CTIF: variants seen among roughly 807,000 people sequenced by gnomAD.
CTIF encodes the protein cap binding complex dependent translation initiation factor.
CTIF carries 21 observed loss-of-function variants against 66.0 expected under a neutral mutation model. The observed-to-expected ratio is 0.32, with a 90% confidence interval of 0.23 to 0.46. CTIF has a LOEUF of 0.46. CTIF is among the 20% of genes least tolerant of loss of function. The pLI, the probability that CTIF is intolerant of heterozygous loss-of-function variation, is 1.00. For synonymous variants in CTIF, 345 were observed against 326.4 expected (o/e 1.06, Z -0.62); for missense variants, 739 against 812.7 (o/e 0.91, Z 1.10).
chr18:48,742,208 G>C (rs978260985), intron 7 of CTIF, among the ~76,000 whole-genome samples: 3 of 152,220 alleles, frequency 2.0e-5, no homozygotes, highest in African/African-American at 7.2e-5. Context: ...CAACACACGA[G>C]CTCCTCAAGA....
At chr18:48,614,043 AC>A (rs1259930594) in intron 1 of CTIF, among the ~76,000 whole-genome samples, 1 of 152,046 alleles carries the variant, frequency 6.6e-6, no homozygotes, top group Non-Finnish European at 1.5e-5. Flanking sequence ...GTGTTCTTCT[AC>A]CTTCCCTCTT....
chr18:48,578,488 T>C (rs776142783), intron 1 of CTIF, among the ~76,000 whole-genome samples: 4 of 152,176 alleles, frequency 2.6e-5, no homozygotes, highest in Non-Finnish European at 5.9e-5. Flanking sequence ...CCAACACTTG[T>C]TATTATGTCT....
At chr18:48,756,545 G>A (rs1908382144) in intron 7 of CTIF, among the ~76,000 whole-genome samples, 1 of 152,210 alleles carries the variant, frequency 6.6e-6, no homozygotes, top group South Asian at 2.1e-4. Context: ...AGGAGGTGCA[G>A]CGCTTATTCT....
At chr18:48,554,500 G>A (rs1269113452) in intron 1 of CTIF, among the ~76,000 whole-genome samples, 4 of 152,242 alleles carry the variant, frequency 2.6e-5, no homozygotes, top group Admixed American at 2.0e-4. Flanking sequence ...CACTGCAGTG[G>A]AGAGGTTATG....
chr18:48,602,701 C>T (rs1198245615), intron 1 of CTIF, among the ~76,000 whole-genome samples: 1 of 152,190 alleles, frequency 6.6e-6, no homozygotes, highest in East Asian at 1.9e-4. Context: ...GATGTCATAA[C>T]TGTGTGATCG....
intron 3 of CTIF, among the ~76,000 whole-genome samples, chr18:48,656,299 ACTGT>A (rs1398627987): frequency 6.6e-6 from 1 of 152,246 alleles, no homozygotes. Context: ...TCTGGGCCAC[ACTGT>A]CTGTGCTCCC....
At chr18:48,697,021 T>G (rs2092018476) in intron 6 of CTIF, among the ~76,000 whole-genome samples, 1 of 152,214 alleles carries the variant, frequency 6.6e-6, no homozygotes, top group Admixed American at 6.5e-5. Flanking sequence ...GCCTTATGGT[T>G]AGAGGACATC....
intron 3 of CTIF, among the ~76,000 whole-genome samples, chr18:48,659,842 A>G (rs947753047): frequency 3.9e-5 from 6 of 152,230 alleles, no homozygotes; most frequent in Non-Finnish European, 8.8e-5. Context: ...GGGGTGGCTA[A>G]AGAAATACGG....
At chr18:48,618,314 C>G (rs1189684672) in intron 1 of CTIF, among the ~76,000 whole-genome samples, 2 of 152,240 alleles carry the variant, frequency 1.3e-5, no homozygotes, top group African/African-American at 2.4e-5. Context: ...TCACGCTGCT[C>G]TATATGGCTT....
intron 1 of CTIF, among the ~76,000 whole-genome samples, chr18:48,617,022 G>A (rs1393757127): frequency 5.3e-5 from 8 of 152,214 alleles, no homozygotes; most frequent in South Asian, 2.1e-4. Context: ...CTGGCACAGC[G>A]TCTCATGAGA....
At chr18:48,782,926 T>C (rs1426674651) in intron 9 of CTIF, among the ~76,000 whole-genome samples, 1 of 152,196 alleles carries the variant, frequency 6.6e-6, no homozygotes, top group East Asian at 1.9e-4. Flanking sequence ...AGAGAGCCCA[T>C]GGGGCAGGAG....
intron 6 of CTIF, among the ~76,000 whole-genome samples, chr18:48,671,436 A>T (rs1196756572): frequency 1.3e-5 from 2 of 152,108 alleles, no homozygotes; most frequent in East Asian, 3.9e-4. Flanking sequence ...ACCACACTCC[A>T]CTGTGCCACC....
chr18:48,825,540 C>G (rs1248222365), intron 10 of CTIF, among the ~76,000 whole-genome samples: 2 of 152,220 alleles, frequency 1.3e-5, no homozygotes, highest in African/African-American at 4.8e-5. Flanking sequence ...TCGGAAAAGG[C>G]TGAGATGAAG....
chr18:48,654,127 G>A (rs2091205125), intron 3 of CTIF, among the ~76,000 whole-genome samples: 1 of 152,070 alleles, frequency 6.6e-6, no homozygotes, highest in Non-Finnish European at 1.5e-5. Context: ...TAGACAAATG[G>A]GATCTAACTA....
At chr18:48,591,556 G>C (rs1414089109) in intron 1 of CTIF, among the ~76,000 whole-genome samples, 6 of 152,246 alleles carry the variant, frequency 3.9e-5, no homozygotes, top group Admixed American at 2.0e-4. Flanking sequence ...GAACTGAAGA[G>C]AGTGCAGCTA....
intron 7 of CTIF, among the ~76,000 whole-genome samples, chr18:48,729,177 C>G (rs540217452): frequency 1.2e-4 from 19 of 152,288 alleles, no homozygotes; most frequent in African/African-American, 4.6e-4. Flanking sequence ...CCAGGGGATG[C>G]TGTTGCCAGA....
At position 48,859,614 on chromosome 18, in the gene CTIF, G is replaced by A. The variant is rs1275616155; in HGVS notation, c.*55G>A. Reference sequence around the variant, plus strand: ...GGCAGCTGGGGCCCTGGTGCACAGGGCCAGATGGACAGGCGGGAGGACAGG... The same window carrying A: ...GGCAGCTGGGGCCCTGGTGCACAGGACCAGATGGACAGGCGGGAGGACAGG... On this transcript the variant is annotated 3_prime_UTR_variant, in exon 12 of 12. Transcript: ENST00000256413. 2 of 1,536,758 alleles carry A rather than the reference G, an allele frequency of 1.3e-6. No individual in the cohort carries two copies. Among genetic ancestry groups the A allele is most frequent in the Admixed American group, 3.3e-5 (2 of 59,708 alleles).
At chr18:48,692,361 C>A (rs2091942400) in intron 6 of CTIF, among the ~76,000 whole-genome samples, 1 of 152,006 alleles carries the variant, frequency 6.6e-6, no homozygotes, top group Non-Finnish European at 1.5e-5. Context: ...CACCCTTACT[C>A]CTATTTCTGG....
chr18:48,583,125 T>C (rs941685934), intron 1 of CTIF, among the ~76,000 whole-genome samples: 2 of 152,104 alleles, frequency 1.3e-5, no homozygotes, highest in African/African-American at 2.4e-5. Flanking sequence ...AGCTGGGCCA[T>C]TGGACTGGAC....
Sources: gnomAD v4.1 joint callset for allele counts (sites outside exome capture counted in the v4.1 genomes callset) on GRCh38, gnomAD v4.1.1 for gene constraint, MANE v1.5 for transcripts, NCBI Gene and HGNC (gene_info 2026-07-23, HGNC 2026-07-21) for gene names.